The following PTPRA variants were observed in gnomAD, a reference collection of about 807,000 sequenced individuals.
The protein encoded by PTPRA is protein tyrosine phosphatase receptor type A, also known as receptor-type tyrosine-protein phosphatase alpha.
PTPRA carries 25 observed loss-of-function variants against 104.8 expected under a neutral mutation model. That is an observed-to-expected ratio of 0.24 (90% confidence interval 0.17 to 0.33). The LOEUF is 0.33. PTPRA is among the 10% of genes least tolerant of loss of function. The pLI is 1.00. For missense variants in PTPRA, 765 were observed against 1,015.3 expected (o/e 0.75, Z 3.35); for synonymous variants, 323 against 368.9 (o/e 0.88, Z 1.43).
At chr20:2,906,243 A>G (rs2059424420) in intron 1 of PTPRA, among the ~76,000 whole-genome samples, 1 of 152,210 alleles carries the variant, frequency 6.6e-6, no homozygotes, top group Admixed American at 6.5e-5. Context: ...AAAATCAAAT[A>G]TTTCAGTTAC....
chr20:2,959,117 C>CT (rs2061653433), intron 3 of PTPRA, among the ~76,000 whole-genome samples: 2 of 152,154 alleles, frequency 1.3e-5, no homozygotes, highest in Admixed American at 1.3e-4. Context: ...TTTTCCTGGT[C>CT]GTGGTCTATG....
rs552694275 is a variant in PTPRA at position 2,923,290 on chromosome 20, G to A, written c.-50+5G>A. On this transcript the variant is annotated splice_donor_5th_base_variant and intron_variant, in intron 2 of 23. Transcript: ENST00000399903. Reference sequence around the variant, plus strand: ...GATGCAGTTCAAATAACTAAGGTAAGAGAAATAAAACCAGAACTGTGAGGA... The same window carrying A: ...GATGCAGTTCAAATAACTAAGGTAAAAGAAATAAAACCAGAACTGTGAGGA... 12 of 1,286,060 alleles carry A rather than the reference G, an allele frequency of 9.3e-6. No homozygotes were observed. Among genetic ancestry groups the A allele is most frequent in the Admixed American group, 6.9e-5 (3 of 43,266 alleles). 79.7% of individuals were successfully genotyped at this position (1,286,060 alleles called of 1,614,324 possible).
chr20:2,948,849 G>A (rs1345195926), intron 3 of PTPRA, among the ~76,000 whole-genome samples: 1 of 152,108 alleles, frequency 6.6e-6, no homozygotes, highest in East Asian at 1.9e-4. Flanking sequence ...CTGCTGGGGA[G>A]GCTGAGGCAG....
At chr20:2,933,538 G>A (rs2060581091) in intron 2 of PTPRA, among the ~76,000 whole-genome samples, 1 of 151,866 alleles carries the variant, frequency 6.6e-6, no homozygotes, top group Admixed American at 6.6e-5. Flanking sequence ...TCTGCTCACT[G>A]CAACCTCCAC....
In PTPRA at chr20:3,035,157, G is replaced by A. The variant is rs1291280310; in HGVS notation, c.1921-428G>A. Among the ~76,000 whole-genome samples the A allele has an allele frequency of 6.6e-6, 1 of 152,164 alleles. No individual in the cohort carries two copies. The highest frequency in any genetic ancestry group is 2.4e-5 in the African/African-American group (1 of 41,430). ...AGGTAAAAGGGAGAAAGGATACTGT[G>A]GCCTGGGCGGTGGTGAAGCCCATGG... On this transcript the variant is annotated intron_variant, in intron 20 of 23. Coordinates refer to ENST00000399903, the MANE Select transcript of PTPRA (RefSeq NM_001385305.1). This position sits in a 1 kb window ranked among gnomAD's most constrained non-coding sequence, Gnocchi z 5.8.
At chr20:2,956,929 C>T (rs1252523098) in intron 3 of PTPRA, among the ~76,000 whole-genome samples, 1 of 152,168 alleles carries the variant, frequency 6.6e-6, no homozygotes, top group Non-Finnish European at 1.5e-5. Flanking sequence ...TACCTGTTTA[C>T]TCAAACTCTT....
chr20:2,866,523 G>A, the PTPRA span: 4 of 1,614,174 alleles, frequency 2.5e-6, no homozygotes, highest in African/African-American at 1.3e-5. Flanking sequence ...CCACAGATGG[G>A]GCCACAGCTG....
chr20:3,007,388 G>C lies in PTPRA; in HGVS notation c.874G>C (p.Asp292His). ...CCTGACACCGGTTGAAGGGGTTCCA[G>C]ATTCTGATTACATCAATGCTTCATT... ...VHLTPVEGVP[D>H]SDYINASFIN... is the part of the protein sequence containing the mutation. Residue 292 changes from aspartate (D) to histidine (H), a missense_variant, in exon 11 of 24, where the codon GAT becomes CAT. Physicochemically the swap from Asp to His is moderately conservative, Grantham distance 81. Transcript: ENST00000399903. 1.2e-6 allele frequency: 2 copies of C among 1,614,172 alleles called. No homozygotes were observed. The highest frequency in any genetic ancestry group is 1.7e-6 in the Non-Finnish European group (2 of 1,179,990).
chr20:3,023,491 T>A (rs908667862), intron 16 of PTPRA, among the ~76,000 whole-genome samples: 4 of 152,260 alleles, frequency 2.6e-5, no homozygotes, highest in African/African-American at 9.6e-5. Flanking sequence ...GCCTTATGGC[T>A]GGAGGTGAGA....
At position 2,873,521 on chromosome 20, in the gene PTPRA, GAC is replaced by G. The variant is rs1002531863; in HGVS notation, c.-367_-366del. On this transcript the variant is annotated 5_prime_UTR_variant, in exon 1 of 24. Transcript: ENST00000399903. The surrounding 1 kb of genome is among the most constrained non-coding windows in gnomAD (Gnocchi z 4.4). ...CTGCGGCGAGTGCGGCGCTGACAGA[GAC>G]GCGCGCGCGCGCGATCGCGCTCGGA... 2.6e-5 allele frequency: 4 copies of G among 151,904 alleles called. No homozygotes were observed. Among genetic ancestry groups the G allele is most frequent in the African/African-American group, 9.7e-5 (4 of 41,428 alleles). The allele number at this position is 151,904 out of a possible 1,614,324, so 9.4% of individuals were successfully genotyped here.
chr20:2,926,978 C>G (rs2060324732), intron 2 of PTPRA, among the ~76,000 whole-genome samples: 1 of 151,144 alleles, frequency 6.6e-6, no homozygotes, highest in Non-Finnish European at 1.5e-5. Flanking sequence ...TTTAGTAGAG[C>G]CAGGTTTTCA....
intron 2 of PTPRA, among the ~76,000 whole-genome samples, chr20:2,938,780 T>C (rs2060799796): frequency 6.6e-6 from 1 of 152,224 alleles, no homozygotes; most frequent in African/African-American, 2.4e-5. Context: ...GTACTCCTTA[T>C]GTCTTCTATA....
At chr20:2,906,689 A>G (rs2059438974) in intron 1 of PTPRA, among the ~76,000 whole-genome samples, 1 of 152,262 alleles carries the variant, frequency 6.6e-6, no homozygotes, top group East Asian at 1.9e-4. Flanking sequence ...GATTGCAAGT[A>G]TTTATCTATT....
chr20:2,992,103 A>G (rs1285611825), intron 9 of PTPRA, among the ~76,000 whole-genome samples: 1 of 152,238 alleles, frequency 6.6e-6, no homozygotes, highest in African/African-American at 2.4e-5. Flanking sequence ...GTCAATAGGA[A>G]GTCAGAAGTA....
At chr20:2,885,526 TA>T (rs1251347563) in intron 1 of PTPRA, among the ~76,000 whole-genome samples, 1 of 152,160 alleles carries the variant, frequency 6.6e-6, no homozygotes, top group African/African-American at 2.4e-5. Context: ...ATAACATCTC[TA>T]AAATTGGGAC....
chr20:2,904,857 G>GAATGATCCTGT (rs1256583949), intron 1 of PTPRA, among the ~76,000 whole-genome samples: 6 of 152,212 alleles, frequency 3.9e-5, no homozygotes, highest in African/African-American at 1.4e-4. Flanking sequence ...CGATTACTAA[G>GAATGATCCTGT]AATGATCCTG....
intron 11 of PTPRA, among the ~76,000 whole-genome samples, chr20:3,010,690 A>G (rs2064129470): frequency 6.6e-6 from 1 of 152,214 alleles, no homozygotes; most frequent in Admixed American, 6.5e-5. Context: ...GAAGAGGAAC[A>G]TATCTGCCTA....
chr20:2,864,478 A>G, the PTPRA span: 3 of 1,614,070 alleles, frequency 1.9e-6, no homozygotes, highest in Non-Finnish European at 2.5e-6. This position sits in a 1 kb window ranked among gnomAD's most constrained non-coding sequence, Gnocchi z 5.2. Context: ...TGTAGTGGGC[A>G]GGGTTGTGGT....
chr20:2,884,158 T>C (rs576466898), intron 1 of PTPRA, among the ~76,000 whole-genome samples: 15 of 152,332 alleles, frequency 9.8e-5, no homozygotes, highest in African/African-American at 3.6e-4. Flanking sequence ...GAACATTTAT[T>C]TGTTTCTACT....
Sources: allele counts gnomAD v4.1 joint callset (sites outside exome capture counted in the v4.1 genomes callset), GRCh38; gene constraint gnomAD v4.1.1; non-coding constraint Gnocchi (gnomAD v3.1); transcripts MANE v1.5; gene names NCBI Gene and HGNC (gene_info 2026-07-23, HGNC 2026-07-21).